RSBN1: variants seen among roughly 807,000 people sequenced by gnomAD.
RSBN1 encodes the protein round spermatid basic protein 1.
RSBN1 carries 23 observed loss-of-function variants against 74.8 expected under a neutral mutation model. The observed-to-expected ratio is 0.31, with a 90% CI of 0.22 to 0.44. RSBN1 has a LOEUF of 0.44. Among genes scored for constraint, RSBN1 ranks in the 20% least tolerant of loss-of-function variants. The pLI, the probability that RSBN1 is intolerant of heterozygous loss-of-function variation, is 1.00. For missense variants in RSBN1, 808 were observed against 1,020.9 expected (o/e 0.79, Z 2.84); for synonymous variants, 407 against 379.6 (o/e 1.07, Z -0.84).
chr1:113,783,401 G>T, intron 2 of RSBN1, among the ~76,000 whole-genome samples: 1 of 151,078 alleles, frequency 6.6e-6, no homozygotes, highest in East Asian at 1.9e-4. Flanking sequence ...ACAATGAACA[G>T]CAGTTATGAC....
chr1:113,785,251 G>C (rs1316372627), intron 2 of RSBN1, among the ~76,000 whole-genome samples: 2 of 152,058 alleles, frequency 1.3e-5, no homozygotes, highest in Non-Finnish European at 2.9e-5. Context: ...ATCTTGTCCT[G>C]CTGAAAAGTC....
At position 113,764,229 on chromosome 1, in the gene RSBN1, T is replaced by A. The variant is rs566947141; in HGVS notation, c.*1751A>T. ...AAAAACACCCCTGCAATAATCACAT[T>A]ACCTTTCATACCATTCTAATTACCT... On this transcript the variant is annotated 3_prime_UTR_variant, in exon 7 of 7. Transcript: ENST00000261441. 6.5e-6 allele frequency: 1 copy of A among 152,886 alleles called. No individual in the cohort carries two copies. The highest frequency in any genetic ancestry group is 2.1e-4 in the South Asian group (1 of 4,834). The allele number at this position is 152,886 out of a possible 1,614,324, so 9.5% of individuals were successfully genotyped here.
chr1:113,800,837 C>CA (rs34099478), intron 1 of RSBN1, among the ~76,000 whole-genome samples: 36 of 143,642 alleles, frequency 2.5e-4, no homozygotes, highest in African/African-American at 6.4e-4. Context: ...TGGCCCATCT[C>CA]AAAAAAAAAC....
At chr1:113,774,639 C>T (rs2797405) in intron 4 of RSBN1, among the ~76,000 whole-genome samples, 147,938 of 152,168 alleles carry the variant, frequency 0.97, 71,993 homozygotes, top group South Asian at 1. Flanking sequence ...ATCGCACCAC[C>T]GCACTCCAGC....
chr1:113,785,855 G>A (rs1345083594), intron 2 of RSBN1, among the ~76,000 whole-genome samples: 1 of 152,136 alleles, frequency 6.6e-6, no homozygotes, highest in African/African-American at 2.4e-5. Context: ...AAATAAAGAT[G>A]AGACTGGAAA....
At chr1:113,775,696 T>C (rs1200774211) in intron 4 of RSBN1, among the ~76,000 whole-genome samples, 3 of 152,182 alleles carry the variant, frequency 2.0e-5, no homozygotes, top group Admixed American at 2.0e-4. Flanking sequence ...AAACAAATGA[T>C]GGTCATTTTT....
intron 4 of RSBN1, among the ~76,000 whole-genome samples, chr1:113,774,147 T>G (rs1257949243): frequency 6.6e-6 from 1 of 152,220 alleles, no homozygotes; most frequent in Non-Finnish European, 1.5e-5. Flanking sequence ...TTTTAGCTGA[T>G]TTGCTGATTT....
chr1:113,796,322 T>C (rs1660471778), intron 2 of RSBN1: 1 of 152,116 alleles, frequency 6.6e-6, no homozygotes, highest in South Asian at 2.1e-4. Context: ...AGAACTTCAA[T>C]TAGAGAAATT....
intron 4 of RSBN1, among the ~76,000 whole-genome samples, chr1:113,774,439 C>T (rs1659947054): frequency 6.6e-6 from 1 of 151,816 alleles, no homozygotes; most frequent in South Asian, 2.1e-4. Flanking sequence ...CTTTGGGAGG[C>T]CGAGGCGGGT....
intron 1 of RSBN1, among the ~76,000 whole-genome samples, chr1:113,805,300 A>G (rs1660679929): frequency 1.3e-5 from 2 of 152,124 alleles, no homozygotes; most frequent in African/African-American, 4.8e-5. Context: ...CATGTTGACT[A>G]GGCTGGTGTC....
At chr1:113,773,345 C>T (rs1020361856) in intron 4 of RSBN1, among the ~76,000 whole-genome samples, 1 of 151,976 alleles carries the variant, frequency 6.6e-6, no homozygotes, top group Non-Finnish European at 1.5e-5. Flanking sequence ...GCCAATATGG[C>T]GAAACCCCTC....
At chr1:113,805,883 GTC>G (rs769150627) in intron 1 of RSBN1, among the ~76,000 whole-genome samples, 2 of 152,158 alleles carry the variant, frequency 1.3e-5, no homozygotes, top group Non-Finnish European at 1.5e-5. Flanking sequence ...AGGTCTTATG[GTC>G]TCTGTCTCAA....
intron 2 of RSBN1, among the ~76,000 whole-genome samples, chr1:113,780,119 G>T (rs1348697777): frequency 6.6e-6 from 1 of 151,990 alleles, no homozygotes; most frequent in Non-Finnish European, 1.5e-5. Flanking sequence ...CTCTATACAG[G>T]CATTTTATGG....
chr1:113,783,296 G>A (rs1395095740), intron 2 of RSBN1, among the ~76,000 whole-genome samples: 3 of 151,780 alleles, frequency 2.0e-5, no homozygotes, highest in South Asian at 2.1e-4. Context: ...GGGTGGAGGG[G>A]GAGAAGAAGA....
rs1660760451 is a variant in RSBN1, at chr1:113,808,438, A to G, written c.703+3272T>C. 3.3e-5 allele frequency among the ~76,000 whole-genome samples: 5 copies of G among 152,354 alleles called. No individual in the cohort carries two copies. The South Asian group carries it at 8.3e-4, about 25-fold the overall frequency. ...TTTCAATCCCAGGTTGGCTGAATCC[A>G]TTGATGTGGAACCCATGGATACAGA... On this transcript the variant is annotated intron_variant, in intron 1 of 6. Coordinates refer to ENST00000261441, the MANE Select transcript of RSBN1 (RefSeq NM_018364.5).
rs79061993 is a variant in RSBN1 at position 113,767,453 on chromosome 1, A to G, written c.1827-246T>C. The stretch of plus-strand genomic sequence containing the variant: ...AAAAAGAATAGTTTTATTCTAAACT[A>G]GTTGCATTTGCAGTCCTCTCGCCAC... On this transcript the variant is annotated intron_variant, in intron 5 of 6. Transcript: ENST00000261441. 6.1e-3 allele frequency among the ~76,000 whole-genome samples: 934 copies of G among 152,352 alleles called. 36 individuals carry two copies. Among genetic ancestry groups the G allele is most frequent in the Admixed American group, 0.043 (664 of 15,302 alleles).
chr1:113,795,220 G>C (rs1327455634), intron 2 of RSBN1, among the ~76,000 whole-genome samples: 1 of 152,176 alleles, frequency 6.6e-6, no homozygotes, highest in Non-Finnish European at 1.5e-5. Context: ...ACATTGTTCA[G>C]GTGGCCTGGG....
chr1:113,788,943 A>T (rs1342181828), intron 2 of RSBN1, among the ~76,000 whole-genome samples: 2 of 152,122 alleles, frequency 1.3e-5, no homozygotes, highest in African/African-American at 4.8e-5. Flanking sequence ...ATAAAACTGT[A>T]AACAACCTCA....
At chr1:113,795,967 A>G (rs3827733) in intron 2 of RSBN1, among the ~76,000 whole-genome samples, 23,802 of 152,074 alleles carry the variant, frequency 0.16, 2,127 homozygotes, top group East Asian at 0.23. Context: ...ATTTTTCTAA[A>G]CTAAAAAAAT....
Sources: gnomAD v4.1 joint callset for allele counts (sites outside exome capture counted in the v4.1 genomes callset) on GRCh38, gnomAD v4.1.1 for gene constraint, MANE v1.5 for transcripts, NCBI Gene and HGNC (gene_info 2026-07-23, HGNC 2026-07-21) for gene names.